ERC2: variants seen among roughly 807,000 people sequenced by gnomAD.
ERC2 encodes ELKS/RAB6-interacting/CAST family member 2.
Under a neutral mutation model 114.8 loss-of-function variants are expected in ERC2, and 42 were observed. The observed-to-expected ratio is 0.37, with a 90% CI of 0.29 to 0.47. The LOEUF (loss-of-function observed/expected upper bound fraction) is 0.47, where lower values mean the gene tolerates loss of function less well. Ranked by LOEUF, ERC2 falls within the 20% of genes least tolerant of loss-of-function variation. The pLI, the probability that ERC2 is intolerant of heterozygous loss-of-function variation, is 0.99. For synonymous variants in ERC2, 454 were observed against 425.5 expected (o/e 1.07, Z -0.82); for missense variants, 939 against 1,150.7 (o/e 0.82, Z 2.66).
intron 2 of ERC2, among the ~76,000 whole-genome samples, chr3:56,334,828 A>G (rs144483997): frequency 3.7e-4 from 56 of 152,316 alleles, no homozygotes; most frequent in Non-Finnish European, 7.2e-4. Flanking sequence ...TGTTTGAAAC[A>G]GAGTCTCACT....
At chr3:55,847,065 C>T (rs894154832) in intron 14 of ERC2, among the ~76,000 whole-genome samples, 6 of 152,164 alleles carry the variant, frequency 3.9e-5, no homozygotes, top group Non-Finnish European at 8.8e-5. Context: ...ACACCCACAA[C>T]ACAAACACGC....
intron 2 of ERC2, among the ~76,000 whole-genome samples, chr3:56,348,203 C>G (rs1164182701): frequency 1.3e-5 from 2 of 152,104 alleles, no homozygotes; most frequent in African/African-American, 2.4e-5. Flanking sequence ...CACAAAAGCC[C>G]AAGAACCAAT....
intron 13 of ERC2, among the ~76,000 whole-genome samples, chr3:55,934,773 T>G (rs2066332159): frequency 6.6e-6 from 1 of 152,238 alleles, no homozygotes; most frequent in South Asian, 2.1e-4. Flanking sequence ...TTTGGCAATA[T>G]GAAGTCTTTT....
intron 14 of ERC2, among the ~76,000 whole-genome samples, chr3:55,851,188 T>TTTTTTTTTTTTTTTTTTGAGACGG (rs1427189122): frequency 6.8e-6 from 1 of 148,000 alleles, no homozygotes. Context: ...ATGATTTTTT[T>TTTTTTTTTTTTTTTTTTGAGACGG]AAGCCCATGC....
chr3:55,894,518 C>A (rs1205144771), intron 13 of ERC2, among the ~76,000 whole-genome samples: 1 of 152,154 alleles, frequency 6.6e-6, no homozygotes, highest in Non-Finnish European at 1.5e-5. Context: ...TGGGCTTCTA[C>A]GTGTACCCAT....
At chr3:56,147,595 A>C (rs2081207755) in intron 5 of ERC2, among the ~76,000 whole-genome samples, 1 of 152,176 alleles carries the variant, frequency 6.6e-6, no homozygotes, top group African/African-American at 2.4e-5. Context: ...AATCATTTAC[A>C]CATTTTTCTC....
At chr3:55,901,199 T>C (rs1274468037) in intron 13 of ERC2, among the ~76,000 whole-genome samples, 3 of 152,232 alleles carry the variant, frequency 2.0e-5, no homozygotes, top group Non-Finnish European at 2.9e-5. Context: ...TCTGTTTTGA[T>C]CCCAGCACTG....
intron 3 of ERC2, among the ~76,000 whole-genome samples, chr3:56,265,045 G>A (rs1470539359): frequency 2.0e-5 from 3 of 152,128 alleles, no homozygotes; most frequent in Non-Finnish European, 4.4e-5. Flanking sequence ...GCAGTCTACA[G>A]GTTCAACATA....
chr3:56,029,090 G>T (rs1033227820), intron 7 of ERC2, among the ~76,000 whole-genome samples: 7 of 151,938 alleles, frequency 4.6e-5, no homozygotes, highest in African/African-American at 1.4e-4. Flanking sequence ...TTATACTGTG[G>T]ATTATAATAA....
At chr3:56,070,362 C>G (rs1291378783) in intron 7 of ERC2, among the ~76,000 whole-genome samples, 1 of 152,048 alleles carries the variant, frequency 6.6e-6, no homozygotes, top group Admixed American at 6.6e-5. Flanking sequence ...ACAGATGTGT[C>G]AAGATGCCTG....
At chr3:55,734,583 A>G (rs1283207326) in intron 15 of ERC2, among the ~76,000 whole-genome samples, 188 bp downstream of exon 15, 1 of 152,220 alleles carries the variant, frequency 6.6e-6, no homozygotes, top group Non-Finnish European at 1.5e-5. Flanking sequence ...GCCCAGCCAC[A>G]TGCACATAAA....
chr3:56,053,663 CA>C (rs2075872445), intron 7 of ERC2, among the ~76,000 whole-genome samples: 1 of 152,086 alleles, frequency 6.6e-6, no homozygotes, highest in Admixed American at 6.5e-5. Flanking sequence ...TCCTTATCTA[CA>C]AAAATGGGCA....
chr3:56,101,791 C>T (rs938533895), intron 6 of ERC2, among the ~76,000 whole-genome samples: 2 of 152,148 alleles, frequency 1.3e-5, no homozygotes. Flanking sequence ...GAGTGGGAAA[C>T]ATTCCAGCAA....
chr3:55,686,549 G>A (rs1235934991), intron 16 of ERC2, among the ~76,000 whole-genome samples: 1 of 152,184 alleles, frequency 6.6e-6, no homozygotes, highest in African/African-American at 2.4e-5. Context: ...CTGTTTCACT[G>A]CTGCGCTGCC....
chr3:56,222,650 G>A (rs891310130), intron 3 of ERC2, among the ~76,000 whole-genome samples: 1 of 152,174 alleles, frequency 6.6e-6, no homozygotes, highest in African/African-American at 2.4e-5. Context: ...TCAGAGTACA[G>A]TCACCATGTC....
intron 10 of ERC2, among the ~76,000 whole-genome samples, chr3:55,996,061 A>T (rs2071487800): frequency 6.6e-6 from 1 of 152,242 alleles, no homozygotes; most frequent in African/African-American, 2.4e-5. Context: ...ACAGCGAAAA[A>T]AGCAGATTTG....
At chr3:55,622,173 C>T (rs916515832) in intron 17 of ERC2, among the ~76,000 whole-genome samples, 1 of 152,178 alleles carries the variant, frequency 6.6e-6, no homozygotes, top group South Asian at 2.1e-4. Flanking sequence ...GTAAAGAACG[C>T]TTTGCTTTCG....
chr3:56,133,580 T>C (rs961844756), intron 6 of ERC2, among the ~76,000 whole-genome samples: 3 of 152,266 alleles, frequency 2.0e-5, no homozygotes, highest in Admixed American at 6.5e-5. Context: ...AACCCAGACA[T>C]TGCCATTTAC....
chr3:56,178,722 C>A (rs1052731422), intron 3 of ERC2, among the ~76,000 whole-genome samples: 1 of 152,024 alleles, frequency 6.6e-6, no homozygotes, highest in African/African-American at 2.4e-5. Flanking sequence ...CCAAACAGAC[C>A]AATATCCCAG....
Sources: gnomAD v4.1 joint callset for allele counts (sites outside exome capture counted in the v4.1 genomes callset) on GRCh38, gnomAD v4.1.1 for gene constraint, MANE v1.5 for transcripts, NCBI Gene and HGNC (gene_info 2026-07-23, HGNC 2026-07-21) for gene names.